The following TMEM87B variants were observed in gnomAD, a reference collection of about 807,000 sequenced individuals.
TMEM87B encodes transmembrane protein 87B.
In TMEM87B, 83 loss-of-function variants were observed where a neutral mutation model predicts 80.3. The ratio of observed to expected loss-of-function variants is 1.03; its 90% CI spans 0.87 to 1.24. The LOEUF (loss-of-function observed/expected upper bound fraction) is 1.24, where lower values mean the gene tolerates loss of function less well. TMEM87B is among the 50% of genes most tolerant of loss of function. TMEM87B has a pLI of 0.00. For missense variants in TMEM87B, 625 were observed against 674.4 expected (o/e 0.93, Z 0.81); for synonymous variants, 219 against 230.5 (o/e 0.95, Z 0.45).
chr2:112,106,472 C>T (rs1048565619), intron 16 of TMEM87B, among the ~76,000 whole-genome samples: 2 of 151,988 alleles, frequency 1.3e-5, no homozygotes, highest in African/African-American at 2.4e-5. Context: ...ACTTTTCAGC[C>T]TATGAAAGTG....
chr2:112,060,681 C>A (rs985781977), intron 2 of TMEM87B, among the ~76,000 whole-genome samples: 1 of 151,774 alleles, frequency 6.6e-6, no homozygotes, highest in Non-Finnish European at 1.5e-5. Flanking sequence ...AGATTACAGG[C>A]GAACGCCACC....
At chr2:112,067,724 G>T (rs184424749) in intron 4 of TMEM87B, among the ~76,000 whole-genome samples, 39 of 152,278 alleles carry the variant, frequency 2.6e-4, no homozygotes, top group Non-Finnish European at 5.9e-5. Context: ...TCTGTCAACT[G>T]CAGTCAGACC....
chr2:112,064,942 G>A (rs1293973970), intron 3 of TMEM87B, among the ~76,000 whole-genome samples: 1 of 151,870 alleles, frequency 6.6e-6, no homozygotes, highest in African/African-American at 2.4e-5. Context: ...ACATATATGT[G>A]TACATATACC....
intron 4 of TMEM87B, among the ~76,000 whole-genome samples, chr2:112,069,477 A>G (rs1370947872): frequency 6.6e-6 from 1 of 152,056 alleles, no homozygotes; most frequent in African/African-American, 2.4e-5. Context: ...AGCTCCATCC[A>G]TGTCCCTGCA....
At chr2:112,107,535 A>C (rs1301690527) in intron 16 of TMEM87B, among the ~76,000 whole-genome samples, 1 of 152,112 alleles carries the variant, frequency 6.6e-6, no homozygotes, top group East Asian at 1.9e-4. Context: ...GTGATTTCTC[A>C]GGACAAAAAA....
At chr2:112,112,812 C>A in intron 17 of TMEM87B, 87 bp from the exon 18 acceptor site, 1 of 1,241,828 alleles carries the variant, frequency 8.1e-7, no homozygotes, top group South Asian at 1.3e-5. Context: ...AATTAGTGGG[C>A]CATGGCATGT....
At chr2:112,101,343 C>G (rs1029746426) in intron 15 of TMEM87B, among the ~76,000 whole-genome samples, 5 of 152,010 alleles carry the variant, frequency 3.3e-5, no homozygotes, top group Non-Finnish European at 5.9e-5. Flanking sequence ...AGAAAAAAAT[C>G]ATCAAATCTA....
chr2:112,099,555 T>TATATATATATATATAC (rs1019425429), intron 14 of TMEM87B, among the ~76,000 whole-genome samples: 21 of 73,562 alleles, frequency 2.9e-4, no homozygotes, highest in African/African-American at 1.0e-3. Context: ...TATATATATA[T>TATATATATATATATAC]ACACACACAC....
intron 3 of TMEM87B, among the ~76,000 whole-genome samples, chr2:112,065,400 C>T (rs1321038123): frequency 6.6e-6 from 1 of 152,020 alleles, no homozygotes; most frequent in Non-Finnish European, 1.5e-5. Flanking sequence ...AATTCCTGCG[C>T]TTTGGGAACC....
chr2:112,076,288 TAAAAC>T (rs954897930), intron 5 of TMEM87B, among the ~76,000 whole-genome samples: 1 of 152,156 alleles, frequency 6.6e-6, no homozygotes, highest in Non-Finnish European at 1.5e-5. Context: ...CACATTTAAA[TAAAAC>T]AAAATGTTTG....
chr2:112,085,898 G>T, intron 8 of TMEM87B, 107 bp from the exon 9 acceptor site: 1 of 794,402 alleles, frequency 1.3e-6, no homozygotes, highest in East Asian at 2.7e-5. Flanking sequence ...GTGGCTGATT[G>T]GTCTGAAGTT....
At chr2:112,094,795 T>A (rs1679408317) in intron 11 of TMEM87B, among the ~76,000 whole-genome samples, 1 of 152,208 alleles carries the variant, frequency 6.6e-6, no homozygotes, top group Non-Finnish European at 1.5e-5. Context: ...AAGTCTAGTG[T>A]CTATTTCTGC....
intron 6 of TMEM87B, 89 bp downstream of exon 6, chr2:112,077,371 A>G: frequency 1.8e-6 from 1 of 555,936 alleles, no homozygotes; most frequent in Non-Finnish European, 3.1e-6. Flanking sequence ...CTCTGTTTCA[A>G]ATACATCATT....
chr2:112,084,397 C>T (rs772660700), intron 8 of TMEM87B, among the ~76,000 whole-genome samples: 1 of 152,220 alleles, frequency 6.6e-6, no homozygotes, highest in Non-Finnish European at 1.5e-5. Context: ...AAAACAGCTT[C>T]TCAATGCCTT....
chr2:112,087,649 T>C (rs1239466219), intron 9 of TMEM87B, among the ~76,000 whole-genome samples: 1 of 152,216 alleles, frequency 6.6e-6, no homozygotes, highest in East Asian at 1.9e-4. Context: ...CTTTCCTCTC[T>C]GGTGGGTCAC....
At chr2:112,058,922 C>A (rs1678163088) in intron 1 of TMEM87B, among the ~76,000 whole-genome samples, 1 of 152,168 alleles carries the variant, frequency 6.6e-6, no homozygotes, top group Admixed American at 6.5e-5. Context: ...GTAGATGGTA[C>A]CACCTCCAGC....
intron 8 of TMEM87B, among the ~76,000 whole-genome samples, chr2:112,083,062 C>T (rs1679046514): frequency 6.6e-6 from 1 of 152,104 alleles, no homozygotes; most frequent in African/African-American, 2.4e-5. Flanking sequence ...GCTGTCTTGC[C>T]CAGCATTGAT....
At chr2:112,094,794 G>A (rs1679408235) in intron 11 of TMEM87B, among the ~76,000 whole-genome samples, 1 of 152,154 alleles carries the variant, frequency 6.6e-6, no homozygotes, top group Non-Finnish European at 1.5e-5. Context: ...GAAGTCTAGT[G>A]TCTATTTCTG....
rs762089820 is a variant in TMEM87B, at chr2:112,107,839, G to A, written c.1576G>A (p.Val526Ile). The change falls in exon 17 of 19, where the codon GTA (valine) becomes ATA (isoleucine). Residue 526 changes from valine to isoleucine, a missense_variant and splice_region_variant. Val to Ile is a conservative substitution (Grantham distance 29). Coordinates refer to ENST00000283206, the MANE Select transcript of TMEM87B (RefSeq NM_032824.3). Reference protein sequence around the residue: ...EENIPSSFTDVALPVLVDSDE... With the variant: ...EENIPSSFTDIALPVLVDSDE... ...AAATATTCCCTCTTCATTCACAGAT[G>A]TGTAAGTTATCTTCTGTTACAGTTT... The A allele has an allele frequency of 2.1e-5, 33 of 1,581,640 alleles. No homozygotes were observed. Among genetic ancestry groups the A allele is most frequent in the Middle Eastern group, 1.7e-4 (1 of 5,940 alleles).
Sources: gnomAD v4.1 joint callset for allele counts (sites outside exome capture counted in the v4.1 genomes callset) on GRCh38, gnomAD v4.1.1 for gene constraint, MANE v1.5 for transcripts, NCBI Gene and HGNC (gene_info 2026-07-23, HGNC 2026-07-21) for gene names.